The following ZAP70 variants were observed in gnomAD, a reference collection of about 807,000 sequenced individuals.
The protein encoded by ZAP70 is zeta chain of T cell receptor associated protein kinase 70, also known as tyrosine-protein kinase ZAP-70.
A neutral mutation model predicts 65.8 loss-of-function variants in ZAP70; 27 were observed. The ratio of observed to expected loss-of-function variants is 0.41; its 90% confidence interval spans 0.30 to 0.57. The LOEUF is 0.57. ZAP70 is among the 20% of genes least tolerant of loss of function. The probability of loss-of-function intolerance (pLI) is 0.28; values close to 1 mark genes in which losing one functional copy is unlikely to be tolerated. For missense variants in ZAP70, 696 were observed against 870.5 expected (o/e 0.80, Z 2.52); for synonymous variants, 363 against 360.8 (o/e 1.01, Z -0.07).
chr2:97,742,146 C>T (rs1407077028), downstream of ZAP70, among the ~76,000 whole-genome samples: 7 of 152,128 alleles, frequency 4.6e-5, no homozygotes, highest in Admixed American at 1.3e-4. Context: ...AGGCCTGGTG[C>T]GGTGATCAAG....
intron 13 of ZAP70, among the ~76,000 whole-genome samples, chr2:97,738,945 T>C (rs1214457314): frequency 6.6e-6 from 1 of 152,152 alleles, no homozygotes; most frequent in African/African-American, 2.4e-5. Context: ...CCCACTGCCA[T>C]GCTCCAGGCT....
At position 97,736,461 on chromosome 2, in the gene ZAP70, AG is replaced by A. The variant is rs1677889107; in HGVS notation, c.1289+1007del. ...GTTTATTGGACAGTTTCTCAGTGAC[AG>A]GAACTGTTAGTAGCACTTGGGATTC... On this transcript the variant is annotated intron_variant, in intron 10 of 13. Transcript: ENST00000264972. This position sits in a 1 kb window ranked among gnomAD's most constrained non-coding sequence, Gnocchi z 4.0. 6.6e-6 allele frequency among the ~76,000 whole-genome samples: 1 copy of A among 152,224 alleles called. No homozygotes were observed. The highest frequency in any genetic ancestry group is 2.1e-4 in the South Asian group (1 of 4,834).
At chr2:97,743,588 G>A (rs952870669), downstream of ZAP70, among the ~76,000 whole-genome samples, 3 of 152,102 alleles carry the variant, frequency 2.0e-5, no homozygotes, top group Admixed American at 6.5e-5. Context: ...CACCCGCCTC[G>A]GCCTCCCAAA....
intron 1 of ZAP70, 108 bp from the exon 2 acceptor site, chr2:97,713,808 C>G (rs1379471041): frequency 1.3e-5 from 2 of 152,220 alleles, no homozygotes; most frequent in Non-Finnish European, 2.9e-5. Flanking sequence ...GACATCCTCC[C>G]CCGGGGTGTG....
At chr2:97,735,037 A>T in intron 9 of ZAP70, 2 of 669,946 alleles carry the variant, frequency 3.0e-6, no homozygotes, top group Non-Finnish European at 5.0e-6. Context: ...CTTTTTGGCG[A>T]TGGGCTGTTC....
chr2:97,716,207 C>T (rs1022170590), intron 2 of ZAP70, among the ~76,000 whole-genome samples: 9 of 152,148 alleles, frequency 5.9e-5, no homozygotes, highest in East Asian at 1.9e-4. Flanking sequence ...CCTCCTCTCC[C>T]GCCATCCTCC....
At position 97,737,693 on chromosome 2, in the gene ZAP70, C is replaced by G; in HGVS notation, c.1482+28C>G. ...AAGCCTCTGCCCCTGTGATGCCCGA[C>G]TGGATGGGCTGGGTGGGTAGAGGGT... is the stretch of plus-strand genomic sequence containing the variant. On this transcript the variant is annotated intron_variant, in intron 11 of 13. Coordinates refer to ENST00000264972, the MANE Select transcript of ZAP70 (RefSeq NM_001079.4). The surrounding 1 kb of genome is among the most constrained non-coding windows in gnomAD (Gnocchi z 5.0). The G allele has an allele frequency of 6.2e-7, 1 of 1,614,076 alleles. No homozygotes were observed. Among genetic ancestry groups the G allele is most frequent in the Non-Finnish European group, 8.5e-7 (1 of 1,179,982 alleles).
At position 97,734,720 on chromosome 2, in the gene ZAP70, C is replaced by T. The variant is rs55933862; in HGVS notation, c.1082+8C>T. 1,426 of 1,613,078 alleles carry T rather than the reference C, an allele frequency of 8.8e-4. 7 individuals carry two copies. The African/African-American group carries it at 9.7e-3, about 11-fold the overall frequency. ...CGTGTACCGCATGCGCAAGTATGGC[C>T]GCCCCTGCCGTGGTGGGAGCACCGC... On this transcript the variant is annotated splice_region_variant and intron_variant, in intron 9 of 13. Coordinates refer to ENST00000264972, the MANE Select transcript of ZAP70 (RefSeq NM_001079.4).
chr2:97,749,258 C>T, the ZAP70 span, among the ~76,000 whole-genome samples: 1 of 152,186 alleles, frequency 6.6e-6, no homozygotes, highest in Admixed American at 6.5e-5. Context: ...ATCCGCCTGC[C>T]TCGGCCTCCC....
the ZAP70 span, among the ~76,000 whole-genome samples, chr2:97,745,816 C>T: frequency 6.6e-6 from 1 of 152,164 alleles, no homozygotes; most frequent in African/African-American, 2.4e-5. Context: ...AGTATACACC[C>T]CAGTGAATTG....
Position 97,724,462 on chromosome 2 carries a change from G to T in ZAP70, c.402+24G>T, listed in dbSNP as rs1277823034. On this transcript the variant is annotated intron_variant, in intron 3 of 13. Coordinates refer to ENST00000264972, the MANE Select transcript of ZAP70 (RefSeq NM_001079.4). ...AGGTGAGAGCGCAGCCTGGGGCGCG[G>T]GGTCTGGAGGGGCGTGGCCGAAGAG... The T allele has an allele frequency of 4.6e-6, 7 of 1,518,012 alleles. No homozygotes were observed. In the Admixed American group the frequency reaches 1.0e-4, roughly 22 times the overall value. 94.0% of individuals were successfully genotyped at this position (1,518,012 alleles called of 1,614,324 possible).
chr2:97,720,538 G>T (rs1677118462), intron 2 of ZAP70, among the ~76,000 whole-genome samples: 2 of 152,200 alleles, frequency 1.3e-5, no homozygotes, highest in Non-Finnish European at 2.9e-5. Context: ...TCTTAATGGA[G>T]ACGGGGTTTC....
intron 13 of ZAP70, 94 bp from the exon 14 acceptor site, chr2:97,739,281 T>G (rs1678043452): frequency 2.6e-6 from 4 of 1,563,550 alleles, no homozygotes; most frequent in Non-Finnish European, 2.6e-6. Context: ...GCCCCAAAAG[T>G]CTACCTCAGC....
At chr2:97,717,651 G>T (rs572107785) in intron 2 of ZAP70, among the ~76,000 whole-genome samples, 29 of 152,344 alleles carry the variant, frequency 1.9e-4, no homozygotes, top group African/African-American at 5.8e-4. Context: ...GACCTTCAAG[G>T]CTTTGCTGAA....
In ZAP70 at chr2:97,715,163, G is replaced by A. The variant is rs1035934693; in HGVS notation, c.-22+1169G>A. Reference sequence around the variant, plus strand: ...GGGGCTGCAGCACCCAGACCACCCCGTGCTGACCACTCCCTGCCCCACCCC... The same window carrying A: ...GGGGCTGCAGCACCCAGACCACCCCATGCTGACCACTCCCTGCCCCACCCC... On this transcript the variant is annotated intron_variant, in intron 2 of 13. Transcript: ENST00000264972. The surrounding 1 kb of genome is among the most constrained non-coding windows in gnomAD (Gnocchi z 4.1). Among the ~76,000 whole-genome samples the A allele has an allele frequency of 7.2e-5, 11 of 152,126 alleles. No homozygotes were observed. Among genetic ancestry groups the A allele is most frequent in the African/African-American group, 1.7e-4 (7 of 41,408 alleles).
At chr2:97,746,872 A>G in the ZAP70 span, among the ~76,000 whole-genome samples, 3 of 152,246 alleles carry the variant, frequency 2.0e-5, no homozygotes, top group African/African-American at 4.8e-5. Flanking sequence ...CTTTGTATAA[A>G]TCAACAATAA....
In ZAP70 at chr2:97,735,429, C is replaced by A; in HGVS notation, c.1262C>A (p.Pro421Gln). 1 of 1,612,778 alleles carries A rather than the reference C, an allele frequency of 6.2e-7. No individual in the cohort carries two copies. The highest frequency in any genetic ancestry group is 8.5e-7 in the Non-Finnish European group (1 of 1,179,132). Residue 421 changes from proline to glutamine, a missense_variant, in exon 10 of 14, where the codon CCG becomes CAG. By Grantham distance (76) the Pro-to-Gln change is moderately conservative. Transcript: ENST00000264972. ...MLVMEMAGGG[P>Q]LHKFLVGKRE... is the part of the protein sequence containing the mutation. ...GTCATGGAGATGGCTGGGGGCGGGC[C>A]GCTGCACAAGTTCCTGGTCGGCAAG...
chr2:97,724,539 C>T (rs774255492), intron 3 of ZAP70, 101 bp downstream of exon 3: 1 of 1,528,682 alleles, frequency 6.5e-7, no homozygotes, highest in Admixed American at 2.0e-5. Flanking sequence ...TCGTCTTCCC[C>T]ATTCAGTCCC....
intron 3 of ZAP70, 185 bp downstream of exon 3, chr2:97,724,623 G>A: frequency 6.5e-7 from 1 of 1,533,470 alleles, no homozygotes; most frequent in Non-Finnish European, 8.7e-7. Context: ...GGGGCTCCGT[G>A]GTGGCGGTCG....
Sources: allele counts gnomAD v4.1 joint callset (sites outside exome capture counted in the v4.1 genomes callset), GRCh38; gene constraint gnomAD v4.1.1; non-coding constraint Gnocchi (gnomAD v3.1); transcripts MANE v1.5; gene names NCBI Gene and HGNC (gene_info 2026-07-23, HGNC 2026-07-21).